PC: variants seen among roughly 807,000 people sequenced by gnomAD.
PC encodes the protein pyruvate carboxylase, mitochondrial.
PC carries 46 observed loss-of-function variants against 107.8 expected under a neutral mutation model. The observed-to-expected ratio is 0.43, with a 90% CI of 0.34 to 0.55. PC has a LOEUF of 0.55. Among genes scored for constraint, PC ranks in the 20% least tolerant of loss-of-function variants. PC has a pLI of 0.04. For synonymous variants in PC, 662 were observed against 684.7 expected (o/e 0.97, Z 0.52); for missense variants, 1,241 against 1,643.1 (o/e 0.76, Z 4.23).
At chr11:66,937,165 G>A (rs1949020652) in intron 3 of PC, among the ~76,000 whole-genome samples, 2 of 152,120 alleles carry the variant, frequency 1.3e-5, no homozygotes, top group South Asian at 2.1e-4. Context: ...CTTCCTACAG[G>A]TCAAGGAAGC....
At chr11:66,942,804 G>T (rs1949176195) in intron 3 of PC, among the ~76,000 whole-genome samples, 1 of 151,924 alleles carries the variant, frequency 6.6e-6, no homozygotes. Context: ...CCTGAAGTCG[G>T]GAGTTTGAGA....
intron 3 of PC, among the ~76,000 whole-genome samples, chr11:66,889,439 C>T (rs1323202715): frequency 6.6e-6 from 1 of 152,002 alleles, no homozygotes; most frequent in Middle Eastern, 3.2e-3. Context: ...GGCATGATCT[C>T]GGCTCACTGC....
intron 12 of PC, chr11:66,860,402 C>T (rs1946190906): frequency 6.6e-6 from 5 of 757,056 alleles, no homozygotes; most frequent in Non-Finnish European, 1.2e-5. Flanking sequence ...TGCTCACAGC[C>T]ACCGAGGCAG....
intron 3 of PC, among the ~76,000 whole-genome samples, chr11:66,940,826 G>A (rs1032576081): frequency 1.3e-5 from 2 of 151,988 alleles, no homozygotes; most frequent in South Asian, 4.2e-4. Flanking sequence ...AGTGGCTCAC[G>A]CCTGTAATCC....
intron 3 of PC, among the ~76,000 whole-genome samples, chr11:66,890,899 T>C (rs996411894): frequency 5.3e-5 from 8 of 152,120 alleles, no homozygotes; most frequent in Non-Finnish European, 1.2e-4. Flanking sequence ...TAGAGTTCAT[T>C]ATACTATTTG....
intron 3 of PC, among the ~76,000 whole-genome samples, chr11:66,951,334 G>C (rs1949430634): frequency 6.6e-6 from 1 of 152,180 alleles, no homozygotes; most frequent in African/African-American, 2.4e-5. Flanking sequence ...TGCTCCTGCA[G>C]ACCAGCAGGG....
chr11:66,925,819 A>G (rs1948703314), intron 3 of PC, among the ~76,000 whole-genome samples: 1 of 152,120 alleles, frequency 6.6e-6, no homozygotes, highest in Non-Finnish European at 1.5e-5. Context: ...AATTTGGGGA[A>G]CTAATAAATG....
chr11:66,949,634 T>C (rs754565723), intron 3 of PC, among the ~76,000 whole-genome samples: 5 of 151,904 alleles, frequency 3.3e-5, no homozygotes, highest in Non-Finnish European at 7.4e-5. Flanking sequence ...GAGGTTGCAG[T>C]GAGCCGAGAT....
intron 11 of PC, among the ~76,000 whole-genome samples, chr11:66,865,700 C>T (rs1351211370): frequency 6.6e-6 from 1 of 152,122 alleles, no homozygotes; most frequent in African/African-American, 2.4e-5. Context: ...CCTCCTGTGC[C>T]GCCATCTCCG....
Position 66,870,876 on chromosome 11 carries a change from T to C in PC, c.650A>G (p.Tyr217Cys), listed in dbSNP as rs1322990713. 1.9e-6 allele frequency: 3 copies of C among 1,613,172 alleles called. No homozygotes were observed. The highest frequency in any genetic ancestry group is 2.5e-6 in the Non-Finnish European group (3 of 1,180,002). The change falls in exon 8 of 23, where the codon TAC (tyrosine) becomes TGC (cysteine). Residue 217 changes from tyrosine (Y) to cysteine (C), a missense_variant. Transcript: ENST00000393960. The surrounding 1 kb of genome is among the most constrained non-coding windows in gnomAD (Gnocchi z 6.1). ...CAGAGCCTCTGAGTAGGCCCGGGTG[T>C]AATTCTCCTCCAGCTCCTGCGAGGG... ...VHSYEELEEN[Y>C]TRAYSEALAA...
intron 3 of PC, among the ~76,000 whole-genome samples, chr11:66,917,088 T>C (rs757909322): frequency 2.6e-5 from 4 of 151,918 alleles, no homozygotes; most frequent in Non-Finnish European, 4.4e-5. Context: ...TTTTGTTCCT[T>C]TGAGACAGAG....
At chr11:66,909,938 G>C (rs1948286706) in intron 3 of PC, among the ~76,000 whole-genome samples, 1 of 152,098 alleles carries the variant, frequency 6.6e-6, no homozygotes, top group African/African-American at 2.4e-5. Flanking sequence ...GCAGGGGCCT[G>C]ACCACTCACT....
Position 66,852,969 on chromosome 11 carries a change from C to T in PC, c.1514-133G>A. On this transcript the variant is annotated intron_variant, in intron 13 of 22. Transcript: ENST00000393960. This position sits in a 1 kb window ranked among gnomAD's most constrained non-coding sequence, Gnocchi z 4.7. Reference sequence around the variant, plus strand: ...CCCGGGCTTCCAGCTGGCCCCTGTCCTCTCCAAAGCCAGGGCCTCCTGGGT... The same window carrying T: ...CCCGGGCTTCCAGCTGGCCCCTGTCTTCTCCAAAGCCAGGGCCTCCTGGGT... 3.9e-6 allele frequency: 3 copies of T among 770,870 alleles called. No homozygotes were observed. Among genetic ancestry groups the T allele is most frequent in the Non-Finnish European group, 6.2e-6 (3 of 487,610 alleles). 47.8% of individuals were successfully genotyped at this position (770,870 alleles called of 1,614,324 possible). A position where few individuals can be genotyped will look rare whatever the true frequency, so the allele number is the denominator to read the frequency against.
rs371233837 is a variant in PC, at chr11:66,851,545, C to T, written c.1982+245G>A. Among the ~76,000 whole-genome samples the T allele has an allele frequency of 2.3e-4, 35 of 152,318 alleles. No individual in the cohort carries two copies. In the East Asian group the frequency reaches 5.4e-3, roughly 24 times the overall value. ...CTGGGTTCCAATCCCAGCCCTGCACCGAGTGACCCAGGCAAGTCTCAGACC... is the reference window on the plus strand; with the variant it reads ...CTGGGTTCCAATCCCAGCCCTGCACTGAGTGACCCAGGCAAGTCTCAGACC... On this transcript the variant is annotated intron_variant, in intron 16 of 22. Coordinates refer to ENST00000393960, the MANE Select transcript of PC (RefSeq NM_001040716.2).
chr11:66,923,631 A>G (rs1948645655), intron 3 of PC, among the ~76,000 whole-genome samples: 1 of 151,904 alleles, frequency 6.6e-6, no homozygotes, highest in Admixed American at 6.5e-5. Flanking sequence ...CTCCCGCTTC[A>G]GTCACCCAAG....
intron 3 of PC, among the ~76,000 whole-genome samples, chr11:66,924,921 T>C (rs1436856782): frequency 6.6e-6 from 1 of 151,846 alleles, no homozygotes; most frequent in Non-Finnish European, 1.5e-5. Context: ...AGGGACAGAG[T>C]ACAAAAGAGA....
Position 66,858,979 on chromosome 11 carries a change from C to T in PC, c.1368+4795G>A, listed in dbSNP as rs768571190. 13 of 1,564,724 alleles carry T rather than the reference C, an allele frequency of 8.3e-6. No homozygotes were observed. The highest frequency in any genetic ancestry group is 5.4e-5 in the African/African-American group (4 of 73,510). On this transcript the variant is annotated intron_variant, in intron 12 of 22. Coordinates refer to ENST00000393960, the MANE Select transcript of PC (RefSeq NM_001040716.2). This position sits in a 1 kb window ranked among gnomAD's most constrained non-coding sequence, Gnocchi z 5.9. ...GAGTCTGAGCCAGCCGTGCAGGTGA[C>T]GGAGGTGACCGCCACCTCAGGGCTG...
intron 3 of PC, among the ~76,000 whole-genome samples, chr11:66,940,053 T>C (rs1949092355): frequency 6.6e-6 from 1 of 152,068 alleles, no homozygotes; most frequent in South Asian, 2.1e-4. Context: ...GATAGACAAG[T>C]TGGACTTCAA....
chr11:66,958,227 C>T (rs1591330384), intron 1 of PC, 95 bp downstream of exon 1: 1 of 152,160 alleles, frequency 6.6e-6, no homozygotes, highest in Admixed American at 6.5e-5. Flanking sequence ...GCGCGCGACC[C>T]TTACATAAGC....
Sources: allele counts gnomAD v4.1 joint callset (sites outside exome capture counted in the v4.1 genomes callset), GRCh38; gene constraint gnomAD v4.1.1; non-coding constraint Gnocchi (gnomAD v3.1); transcripts MANE v1.5; gene names NCBI Gene and HGNC (gene_info 2026-07-23, HGNC 2026-07-21).